The following PLCZ1 variants were observed in gnomAD, a reference collection of about 807,000 sequenced individuals.
PLCZ1 encodes the protein 1-phosphatidylinositol 4,5-bisphosphate phosphodiesterase zeta-1.
A neutral mutation model predicts 76.8 loss-of-function variants in PLCZ1; 64 were observed. The observed-to-expected ratio is 0.83, with a 90% confidence interval of 0.68 to 1.03. PLCZ1 has a LOEUF of 1.03. PLCZ1 is among the 50% of genes least tolerant of loss of function. The pLI, the probability that PLCZ1 is intolerant of heterozygous loss-of-function variation, is 0.00. For synonymous variants in PLCZ1, 248 were observed against 230.8 expected (o/e 1.07, Z -0.68); for missense variants, 751 against 713.7 (o/e 1.05, Z -0.60).
rs1165227004 is a variant in PLCZ1, at chr12:18,696,206, CT to C, written c.1234del (p.Arg412GlufsTer15). 3 of 1,601,558 alleles carry C rather than the reference CT, an allele frequency of 1.9e-6. No individual in the cohort carries two copies. In the East Asian group the frequency reaches 6.7e-5, roughly 36 times the overall value. On this transcript the variant is annotated frameshift_variant, in exon 11 of 15. Coordinates refer to ENST00000266505, the MANE Select transcript of PLCZ1 (RefSeq NM_033123.4). LOFTEE classifies it high-confidence loss of function. Reference sequence around the variant, plus strand: ...GGGATTAAAATTAGAAGAGTCTGCTCTTGTTGCTTTGGGATATATTCTGGTA... The same window carrying C: ...GGGATTAAAATTAGAAGAGTCTGCTCTGTTGCTTTGGGATATATTCTGGTA... The part of the protein sequence containing the change: ...FITRIYPKAT[R>X]ADSSNFNPQE...
At chr12:18,686,152 G>A (rs971171708) in intron 13 of PLCZ1, among the ~76,000 whole-genome samples, 12 of 151,726 alleles carry the variant, frequency 7.9e-5, no homozygotes, top group Admixed American at 2.0e-4. Flanking sequence ...CTACTGCCAC[G>A]GCCTCCTTTA....
intron 4 of PLCZ1, among the ~76,000 whole-genome samples, chr12:18,721,917 G>A (rs1485314554): frequency 6.6e-6 from 1 of 151,970 alleles, no homozygotes; most frequent in Non-Finnish European, 1.5e-5. Context: ...ACTGAGTCAT[G>A]AAGCCAAAAT....
chr12:18,719,839 A>G (rs888681658), intron 4 of PLCZ1, among the ~76,000 whole-genome samples: 1 of 152,068 alleles, frequency 6.6e-6, no homozygotes, highest in Non-Finnish European at 1.5e-5. Flanking sequence ...ATTCAAGTAA[A>G]TAATATATTA....
At chr12:18,706,033 G>T (rs1592152399) in intron 6 of PLCZ1, among the ~76,000 whole-genome samples, 1 of 151,596 alleles carries the variant, frequency 6.6e-6, no homozygotes, top group South Asian at 2.1e-4. Flanking sequence ...TCGAGACCAG[G>T]CTGGCCAACA....
chr12:18,704,596 G>C (rs1015179835), intron 7 of PLCZ1, among the ~76,000 whole-genome samples: 1 of 152,044 alleles, frequency 6.6e-6, no homozygotes, highest in Non-Finnish European at 1.5e-5. Flanking sequence ...CAAGGTGCTG[G>C]GATTACAGGC....
chr12:18,665,643 A>G, the PLCZ1 span, among the ~76,000 whole-genome samples: 1 of 152,092 alleles, frequency 6.6e-6, no homozygotes, highest in Admixed American at 6.6e-5. Context: ...AAATACAAAA[A>G]TTAGCCTGGC....
At chr12:18,693,667 C>T in intron 12 of PLCZ1, 1 of 1,566,230 alleles carries the variant, frequency 6.4e-7, no homozygotes, top group Non-Finnish European at 8.8e-7. Flanking sequence ...GATATGACTC[C>T]AATTCTGGTG....
At chr12:18,701,859 A>G (rs768569841) in intron 7 of PLCZ1, 83 bp from the exon 8 acceptor site, 10 of 1,521,848 alleles carry the variant, frequency 6.6e-6, no homozygotes, top group Non-Finnish European at 8.8e-6. Context: ...GTTTCACTAT[A>G]TTTCCAATTA....
chr12:18,653,545 G>T, the PLCZ1 span, among the ~76,000 whole-genome samples: 43 of 152,082 alleles, frequency 2.8e-4, no homozygotes, highest in Non-Finnish European at 2.9e-5. Context: ...AGGTATACCT[G>T]ACTGTTACCT....
chr12:18,684,438 A>G (rs1285545198), intron 13 of PLCZ1, among the ~76,000 whole-genome samples, 159 bp from the exon 14 acceptor site: 3 of 152,094 alleles, frequency 2.0e-5, no homozygotes, highest in Non-Finnish European at 4.4e-5. Context: ...TGAGAGGAAT[A>G]ATAACCAGAC....
the PLCZ1 span, among the ~76,000 whole-genome samples, chr12:18,665,055 C>T: frequency 1.3e-5 from 2 of 149,566 alleles, no homozygotes; most frequent in African/African-American, 4.9e-5. Flanking sequence ...ATACCTAATG[C>T]TAAATGACGA....
chr12:18,717,320 A>G (rs1240992155), intron 5 of PLCZ1, among the ~76,000 whole-genome samples: 1 of 152,194 alleles, frequency 6.6e-6, no homozygotes, highest in Non-Finnish European at 1.5e-5. Context: ...ACAGAATTCT[A>G]AATGAATACA....
intron 3 of PLCZ1, among the ~76,000 whole-genome samples, chr12:18,733,428 T>C (rs1959160066): frequency 6.6e-6 from 1 of 152,224 alleles, no homozygotes; most frequent in Non-Finnish European, 1.5e-5. Context: ...TTGTTTCCTT[T>C]GCTGTGCAAT....
At chr12:18,667,975 CAAA>C in the PLCZ1 span, among the ~76,000 whole-genome samples, 10 of 151,452 alleles carry the variant, frequency 6.6e-5, no homozygotes, top group African/African-American at 2.4e-4. Context: ...GCAACAACAA[CAAA>C]AAAAAAAGGC....
At chr12:18,668,742 C>T in the PLCZ1 span, among the ~76,000 whole-genome samples, 2 of 152,094 alleles carry the variant, frequency 1.3e-5, no homozygotes, top group Admixed American at 6.5e-5. Flanking sequence ...GTGCTCACAC[C>T]CCAAAGCTAT....
chr12:18,674,742 T>A, the PLCZ1 span, among the ~76,000 whole-genome samples: 1 of 152,130 alleles, frequency 6.6e-6, no homozygotes, highest in Admixed American at 6.6e-5. Context: ...ACTAACACGA[T>A]AGAGTGAAAG....
Position 18,705,153 on chromosome 12 carries a change from A to G in PLCZ1, c.864+13T>C, listed in dbSNP as rs768264024. The G allele has an allele frequency of 3.7e-6, 6 of 1,613,388 alleles. No individual in the cohort carries two copies. The highest frequency in any genetic ancestry group is 5.1e-6 in the Non-Finnish European group (6 of 1,179,500). On this transcript the variant is annotated intron_variant, in intron 7 of 14. Transcript: ENST00000266505. ...TTTTTTCTTAACCTGAGTTTCTCAG[A>G]AAAAAATGTTACCTCTGGTGATGGT...
At chr12:18,650,999 A>G in the PLCZ1 span, among the ~76,000 whole-genome samples, 1 of 151,786 alleles carries the variant, frequency 6.6e-6, no homozygotes, top group Non-Finnish European at 1.5e-5. Context: ...CTTCTGTTCA[A>G]AACTCTGCAG....
At chr12:18,731,533 CTTT>C (rs34568267) in intron 3 of PLCZ1, among the ~76,000 whole-genome samples, 17 of 94,356 alleles carry the variant, frequency 1.8e-4, no homozygotes, top group Non-Finnish European at 2.1e-4. Flanking sequence ...AATAAGCTGT[CTTT>C]TTTTTTTTTT....
Sources: allele counts gnomAD v4.1 joint callset (sites outside exome capture counted in the v4.1 genomes callset), GRCh38; gene constraint gnomAD v4.1.1; transcripts MANE v1.5; gene names NCBI Gene and HGNC (gene_info 2026-07-23, HGNC 2026-07-21).